UBP1: variants seen among roughly 807,000 people sequenced by gnomAD.
UBP1 encodes the protein upstream binding protein 1.
Under a neutral mutation model 76.1 loss-of-function variants are expected in UBP1, and 22 were observed. The ratio of observed to expected loss-of-function variants is 0.29; its 90% confidence interval spans 0.21 to 0.41. UBP1 has a LOEUF of 0.41. Among genes scored for constraint, UBP1 ranks in the 10% least tolerant of loss-of-function variants. The pLI is 1.00. For synonymous variants in UBP1, 224 were observed against 237.1 expected (o/e 0.94, Z 0.51); for missense variants, 436 against 668.1 (o/e 0.65, Z 3.83).
At chr3:33,421,066 A>G (rs546748747) in intron 2 of UBP1, among the ~76,000 whole-genome samples, 1 of 152,334 alleles carries the variant, frequency 6.6e-6, no homozygotes, top group African/African-American at 2.4e-5. Context: ...AGTCTCACTC[A>G]TATTTATCAG....
chr3:33,410,388 C>G (rs2044550169), intron 5 of UBP1, among the ~76,000 whole-genome samples: 1 of 144,872 alleles, frequency 6.9e-6, no homozygotes. Context: ...TCTTGTATCA[C>G]TTTGATTTAC....
At chr3:33,432,754 T>G (rs2045134932) in intron 1 of UBP1, among the ~76,000 whole-genome samples, 1 of 152,180 alleles carries the variant, frequency 6.6e-6, no homozygotes, top group African/African-American at 2.4e-5. Flanking sequence ...CAATACAGAA[T>G]CCTGGATTGG....
chr3:33,439,854 G>A lies in UBP1; in HGVS notation c.-6C>T, dbSNP rs2045263181. On this transcript the variant is annotated 5_prime_UTR_variant, in exon 1 of 16. Coordinates refer to ENST00000283629, the MANE Select transcript of UBP1 (RefSeq NM_014517.5). ...ATCTTGAGCACCCAGGCCATCTTCC[G>A]GCCTCGCCGTCGCCCCGCACACCGC... 1.2e-6 allele frequency: 2 copies of A among 1,610,844 alleles called. No homozygotes were observed. Among genetic ancestry groups the A allele is most frequent in the African/African-American group, 2.7e-5 (2 of 74,638 alleles).
intron 13 of UBP1, among the ~76,000 whole-genome samples, chr3:33,394,726 T>C (rs1490498423): frequency 2.0e-5 from 3 of 151,752 alleles, no homozygotes; most frequent in South Asian, 4.2e-4. Flanking sequence ...TAAAAGAAGC[T>C]GGAACTAAAA....
chr3:33,420,488 C>CTT (rs749437546), intron 2 of UBP1, among the ~76,000 whole-genome samples: 12,918 of 120,438 alleles, frequency 0.11, 1,113 homozygotes, highest in East Asian at 0.34. Flanking sequence ...ACCATACTGG[C>CTT]TTTTTTTTTT....
chr3:33,397,346 A>C (rs1367140448), intron 11 of UBP1: 1 of 402,490 alleles, frequency 2.5e-6, no homozygotes, highest in Admixed American at 4.4e-5. Flanking sequence ...ATCAAGAAGG[A>C]GCTTAGAAGT....
At chr3:33,411,844 C>G (rs2044591520) in intron 4 of UBP1, among the ~76,000 whole-genome samples, 157 bp from the exon 5 acceptor site, 1 of 152,098 alleles carries the variant, frequency 6.6e-6, no homozygotes, top group African/African-American at 2.4e-5. Context: ...CGAAACCCAC[C>G]CTAAACGAAT....
At chr3:33,394,956 A>G (rs2043917499) in intron 13 of UBP1, among the ~76,000 whole-genome samples, 1 of 152,072 alleles carries the variant, frequency 6.6e-6, no homozygotes, top group South Asian at 2.1e-4. Flanking sequence ...AGAGATGGAA[A>G]TATTTACTAC....
At chr3:33,403,107 T>C (rs1290281898) in intron 8 of UBP1, 2 of 520,906 alleles carry the variant, frequency 3.8e-6, no homozygotes, top group Non-Finnish European at 6.9e-6. Flanking sequence ...TAGACACTGA[T>C]TAATCTTAGA....
In UBP1 at chr3:33,393,296, A is replaced by T. The variant is rs1430992643; in HGVS notation, c.1533+16T>A. ...AAATACCAGTCTGAAAAGGAAAAAC[A>T]AATGATTTGATTTACCTGATCACTA... is the stretch of plus-strand genomic sequence containing the variant. On this transcript the variant is annotated intron_variant, in intron 14 of 15. Transcript: ENST00000283629. 1 of 1,588,624 alleles carries T rather than the reference A, an allele frequency of 6.3e-7. No homozygotes were observed. Among genetic ancestry groups the T allele is most frequent in the South Asian group, 1.2e-5 (1 of 85,382 alleles).
chr3:33,422,562 AT>A (rs914651193), intron 2 of UBP1, among the ~76,000 whole-genome samples: 3 of 151,746 alleles, frequency 2.0e-5, no homozygotes, highest in Non-Finnish European at 4.4e-5. Context: ...CTCTACGAAA[AT>A]TTTTTTTAAA....
chr3:33,423,861 C>G (rs2044961905), intron 2 of UBP1, among the ~76,000 whole-genome samples: 1 of 152,188 alleles, frequency 6.6e-6, no homozygotes, highest in Admixed American at 6.5e-5. Flanking sequence ...TCTACTATAT[C>G]ACTACTACAG....
chr3:33,416,630 C>T (rs1446874025), intron 3 of UBP1, 128 bp downstream of exon 3: 2 of 683,590 alleles, frequency 2.9e-6, no homozygotes, highest in Admixed American at 7.0e-5. Flanking sequence ...GGTGAATAAA[C>T]AAAATATAGC....
Position 33,393,420 on chromosome 3 carries a change from G to T in UBP1, c.1425C>A (p.Ala475=). The T allele has an allele frequency of 1.2e-6, 2 of 1,610,746 alleles. No individual in the cohort carries two copies. The highest frequency in any genetic ancestry group is 3.4e-5 in the Admixed American group (2 of 59,624). Residue 475 remains alanine (A), a synonymous_variant, in exon 14 of 16, where the codon GCC becomes GCA. Transcript: ENST00000283629. ...YHAIYLEEMI[A]SEVARKLALV... ...GCGCAAGTTTTCGAGCAACTTCTGA[G>T]GCAATCATTTCTTCCAAGTAGATTG...
intron 3 of UBP1, among the ~76,000 whole-genome samples, chr3:33,414,508 T>A (rs1227724460): frequency 6.6e-6 from 1 of 152,022 alleles, no homozygotes; most frequent in East Asian, 1.9e-4. Context: ...ATTCAAGAAG[T>A]TCCAAAGCAC....
At chr3:33,425,968 A>G (rs2045003849) in intron 1 of UBP1, among the ~76,000 whole-genome samples, 1 of 131,692 alleles carries the variant, frequency 7.6e-6, no homozygotes. Flanking sequence ...CGGGGTGGGA[A>G]GTGGGGGAGG....
intron 1 of UBP1, 74 bp from the exon 2 acceptor site, chr3:33,425,815 G>T (rs1338139844): frequency 1.5e-6 from 2 of 1,356,446 alleles, no homozygotes; most frequent in Non-Finnish European, 1.0e-6. Context: ...CATCCTGAAT[G>T]CACCCAATCT....
rs1488895365 is a variant in UBP1 at position 33,389,680 on chromosome 3, T to C, written c.*651A>G. 6.6e-6 allele frequency: 1 copy of C among 152,536 alleles called. No homozygotes were observed. Among genetic ancestry groups the C allele is most frequent in the African/African-American group, 2.4e-5 (1 of 41,462 alleles). 9.4% of individuals were successfully genotyped at this position (152,536 alleles called of 1,614,324 possible). A position where few individuals can be genotyped will look rare whatever the true frequency, so the allele number is the denominator to read the frequency against. ...TCTTTGTACCTATTAGGATTTACAC[T>C]GATCCTCTCACCAAGGTACTCCTGA... On this transcript the variant is annotated 3_prime_UTR_variant, in exon 16 of 16. Transcript: ENST00000283629.
chr3:33,409,404 C>G (rs750693274), intron 6 of UBP1, 45 bp downstream of exon 6: 46 of 1,613,714 alleles, frequency 2.9e-5, no homozygotes, highest in Non-Finnish European at 3.6e-5. Flanking sequence ...GCTTTACAGG[C>G]AAAACTGAGC....
Sources: allele counts gnomAD v4.1 joint callset (sites outside exome capture counted in the v4.1 genomes callset), GRCh38; gene constraint gnomAD v4.1.1; transcripts MANE v1.5; gene names NCBI Gene and HGNC (gene_info 2026-07-23, HGNC 2026-07-21).